Variants in TMCC3 observed in about 807,000 individuals in gnomAD.
TMCC3 encodes transmembrane and coiled-coil domain protein 3.
A neutral mutation model predicts 40.2 loss-of-function variants in TMCC3; 28 were observed. The observed-to-expected ratio is 0.70, with a 90% CI of 0.52 to 0.95. TMCC3 has a LOEUF of 0.95. TMCC3 is among the 40% of genes least tolerant of loss of function. The pLI is 0.00. For synonymous variants in TMCC3, 255 were observed against 248.5 expected, an observed-to-expected ratio of 1.03 and a Z score of -0.25; for missense variants, 554 against 615.2, an observed-to-expected ratio of 0.90 and a Z score of 1.05.
In TMCC3 at chr12:94,581,891, G is replaced by T. The variant is rs139669402; in HGVS notation, c.726C>A (p.Ser242Arg). ...ACTTGGGTTTGTTCACGATGGTAGC[G>T]CTGCCCCCGTAGGCCCTGGCACTCG... ...PEASARAYGG[S>R]ATIVNKPKYG... is the part of the protein sequence containing the mutation. The change falls in exon 2 of 4, where the codon AGC becomes AGA. Residue 242 changes from serine to arginine, a missense_variant. Transcript: ENST00000261226. 2 of 1,614,106 alleles carry T rather than the reference G, an allele frequency of 1.2e-6. No individual in the cohort carries two copies. The highest frequency in any genetic ancestry group is 1.7e-6 in the Non-Finnish European group (2 of 1,180,048).
intron 3 of TMCC3, among the ~76,000 whole-genome samples, chr12:94,576,598 C>T (rs1473955425): frequency 6.6e-6 from 1 of 152,126 alleles, no homozygotes; most frequent in Non-Finnish European, 1.5e-5. Flanking sequence ...ACCTCAGACT[C>T]CTGAGTTTCT....
Position 94,604,601 on chromosome 12 carries a change from T to C in TMCC3, c.79-22063A>G, listed in dbSNP as rs2068771492. On this transcript the variant is annotated intron_variant, in intron 1 of 3. Coordinates refer to ENST00000261226, the MANE Select transcript of TMCC3 (RefSeq NM_020698.4). ...AGGAGGATTACTTGAACCCAGCAGT[T>C]TGAGACCAGCTAGGGCACAATAGTG... Among the ~76,000 whole-genome samples the C allele has an allele frequency of 2.0e-5, 3 of 148,116 alleles. No individual in the cohort carries two copies. In the Admixed American group the frequency reaches 2.0e-4, roughly 10 times the overall value.
chr12:94,591,446 GAA>G (rs35097467), intron 1 of TMCC3, among the ~76,000 whole-genome samples: 7 of 147,898 alleles, frequency 4.7e-5, no homozygotes, highest in South Asian at 2.1e-4. Flanking sequence ...TTCCTCGTAG[GAA>G]AAAAAAAAAG....
intron 1 of TMCC3, among the ~76,000 whole-genome samples, chr12:94,601,626 A>T (rs1020844915): frequency 7.4e-6 from 1 of 135,110 alleles, no homozygotes; most frequent in Non-Finnish European, 1.6e-5. Flanking sequence ...GGAGTTTGAG[A>T]CCAGCCTGGC....
intron 1 of TMCC3, among the ~76,000 whole-genome samples, chr12:94,648,910 C>T (rs1316372906): frequency 6.6e-6 from 1 of 152,196 alleles, no homozygotes; most frequent in African/African-American, 2.4e-5. Context: ...CAAATGCATT[C>T]GAAGATGATC....
intron 1 of TMCC3, among the ~76,000 whole-genome samples, chr12:94,592,658 T>G (rs150230711): frequency 0.05 from 1,088 of 21,866 alleles, 24 homozygotes; most frequent in East Asian, 0.15. Context: ...ACAGGCTCCA[T>G]CTCAAAAAAA....
Position 94,586,739 on chromosome 12 carries a change from G to A in TMCC3, c.79-4201C>T, listed in dbSNP as rs141274746. Among the ~76,000 whole-genome samples, 141 of 152,292 alleles carry A rather than the reference G, an allele frequency of 9.3e-4. 1 individual carries two copies. Among genetic ancestry groups the A allele is most frequent in the Middle Eastern group, 3.4e-3 (1 of 294 alleles). ...AGCCTCATGCTCTCACAGACCTCTC[G>A]TTACAGGACAGCCTTGTATGCACAG... On this transcript the variant is annotated intron_variant, in intron 1 of 3. Coordinates refer to ENST00000261226, the MANE Select transcript of TMCC3 (RefSeq NM_020698.4).
At chr12:94,579,377 C>T (rs2138822556) in intron 2 of TMCC3, among the ~76,000 whole-genome samples, 1 of 152,184 alleles carries the variant, frequency 6.6e-6, no homozygotes, top group African/African-American at 2.4e-5. Context: ...TGTGGTGGCA[C>T]GTGCCTATAA....
In TMCC3 at chr12:94,581,849, T is replaced by G; in HGVS notation, c.768A>C (p.Glu256Asp). ...VNKPKYGSDDECSSGTSGSAD... is the reference protein window; with the variant it reads ...VNKPKYGSDDDCSSGTSGSAD... ...CCGAGCCTGACGTGCCACTCGAACATTCATCATCACTGCCATACTTGGGTT... is the reference window on the plus strand; with the variant it reads ...CCGAGCCTGACGTGCCACTCGAACAGTCATCATCACTGCCATACTTGGGTT... Residue 256 changes from glutamate to aspartate, a missense_variant, in exon 2 of 4, where the codon GAA becomes GAC. Glu to Asp is a conservative substitution (Grantham distance 45, BLOSUM62 2). Coordinates refer to ENST00000261226, the MANE Select transcript of TMCC3 (RefSeq NM_020698.4). 6.2e-7 allele frequency: 1 copy of G among 1,614,118 alleles called. No individual in the cohort carries two copies. The highest frequency in any genetic ancestry group is 8.5e-7 in the Non-Finnish European group (1 of 1,179,950).
At chr12:94,594,198 A>AATATATATATATATATATATATATATAT (rs59083165) in intron 1 of TMCC3, among the ~76,000 whole-genome samples, 16 of 145,482 alleles carry the variant, frequency 1.1e-4, no homozygotes, top group African/African-American at 4.3e-4. Context: ...TTTAAATTTA[A>AATATATATATATATATATATATATATAT]ATATATATAT....
intron 1 of TMCC3, among the ~76,000 whole-genome samples, chr12:94,619,226 G>A (rs770666923): frequency 2.6e-5 from 4 of 152,080 alleles, no homozygotes; most frequent in Non-Finnish European, 4.4e-5. Context: ...ATTGCTTTAC[G>A]GCTTCTACTA....
chr12:94,639,499 G>C (rs907003727), intron 1 of TMCC3, among the ~76,000 whole-genome samples: 1 of 152,084 alleles, frequency 6.6e-6, no homozygotes, highest in Non-Finnish European at 1.5e-5. Context: ...AGAATTGCTT[G>C]AACCTGGGAG....
intron 1 of TMCC3, chr12:94,609,787 C>T (rs1221497931): frequency 4.6e-5 from 7 of 152,196 alleles, no homozygotes; most frequent in South Asian, 2.1e-4. Context: ...ACACTATCCT[C>T]GGGCCATTTG....
At chr12:94,610,813 A>G (rs1475870544) in intron 1 of TMCC3, among the ~76,000 whole-genome samples, 2 of 152,176 alleles carry the variant, frequency 1.3e-5, no homozygotes, top group Non-Finnish European at 2.9e-5. Context: ...GGGATTTATG[A>G]TAGATATGTA....
At chr12:94,625,341 A>G (rs1479629928) in intron 1 of TMCC3, among the ~76,000 whole-genome samples, 1 of 151,730 alleles carries the variant, frequency 6.6e-6, no homozygotes, top group Non-Finnish European at 1.5e-5. Context: ...TAATTCCAGC[A>G]CTTTGGGAGG....
intron 1 of TMCC3, among the ~76,000 whole-genome samples, chr12:94,609,555 G>A (rs1473575530): frequency 6.6e-6 from 1 of 152,128 alleles, no homozygotes; most frequent in Non-Finnish European, 1.5e-5. Flanking sequence ...ACAGTCTCTT[G>A]AACACAGCAG....
rs11107635 is a variant in TMCC3 at position 94,647,532 on chromosome 12, T to C, written c.78+2821A>G. Among the ~76,000 whole-genome samples the C allele has an allele frequency of 9.3e-3, 1,412 of 152,312 alleles. 31 individuals are homozygous for C. The highest frequency in any genetic ancestry group is 0.032 in the African/African-American group (1,315 of 41,552). On this transcript the variant is annotated intron_variant, in intron 1 of 3. Coordinates refer to ENST00000261226, the MANE Select transcript of TMCC3 (RefSeq NM_020698.4). ...CAGAAACTCCATATCCCTGAAAGAT[T>C]AGTCGACTCTTCCCATGACCCCCTA...
intron 1 of TMCC3, chr12:94,590,811 G>A (rs1000258681): frequency 2.1e-6 from 1 of 485,122 alleles, no homozygotes; most frequent in Admixed American, 2.5e-5. Flanking sequence ...GACGGCGCAG[G>A]GTCTGAAACA....
chr12:94,643,692 A>G (rs2069002930), intron 1 of TMCC3, among the ~76,000 whole-genome samples: 1 of 152,216 alleles, frequency 6.6e-6, no homozygotes, highest in South Asian at 2.1e-4. Flanking sequence ...TGCATGTCAT[A>G]AGAATTAGAG....
Sources: gnomAD v4.1 joint callset for allele counts (sites outside exome capture counted in the v4.1 genomes callset) on GRCh38, gnomAD v4.1.1 for gene constraint, MANE v1.5 for transcripts, NCBI Gene and HGNC (gene_info 2026-07-23, HGNC 2026-07-21) for gene names.